The following ZFR variants were observed in gnomAD, a reference collection of about 807,000 sequenced individuals.
The protein encoded by ZFR is zinc finger RNA binding protein, also known as zinc finger RNA-binding protein.
In ZFR, 19 loss-of-function variants were observed where a neutral mutation model predicts 130.7. The ratio of observed to expected loss-of-function variants is 0.15; its 90% CI spans 0.10 to 0.21. ZFR has a LOEUF of 0.21. Ranked by LOEUF, ZFR falls within the 10% of genes least tolerant of loss-of-function variation. The pLI is 1.00. For synonymous variants in ZFR, 466 were observed against 456.9 expected (o/e 1.02, Z -0.25); for missense variants, 872 against 1,321.5 (o/e 0.66, Z 5.27).
chr5:32,403,935 C>CTA lies in ZFR; in HGVS notation c.1194_1195insTA (p.Ala399Ter). 6.3e-7 allele frequency: 1 copy of CTA among 1,596,456 alleles called. No individual in the cohort carries two copies. The highest frequency in any genetic ancestry group is 8.5e-7 in the Non-Finnish European group (1 of 1,171,142). ...TGATGCTTAGCACCACGAATGTGGGCAGCATACGCATCTGCTCCTGTACAA... is the reference window on the plus strand; with the variant it reads ...TGATGCTTAGCACCACGAATGTGGGCTAAGCATACGCATCTGCTCCTGTACAA... On this transcript the variant is annotated frameshift_variant, in exon 7 of 20. Coordinates refer to ENST00000265069, the MANE Select transcript of ZFR (RefSeq NM_016107.5). LOFTEE classifies it high-confidence loss of function.
Position 32,385,557 on chromosome 5 carries a change from A to G in ZFR, c.2592T>C (p.Thr864=), listed in dbSNP as rs752387240. ...GAATAATTGGAGATGTCAGTGTGAT[A>G]GTGACTTGCATTTTGGGTTCCACAC... ...NSCVEPKMQV[T]ITLTSPIIRE... is the part of the protein sequence containing the mutation. The change falls in exon 15 of 20, where the codon ACT becomes ACC. Residue 864 remains threonine (T), a synonymous_variant. Coordinates refer to ENST00000265069, the MANE Select transcript of ZFR (RefSeq NM_016107.5). 3 of 1,613,384 alleles carry G rather than the reference A, an allele frequency of 1.9e-6. No homozygotes were observed. The highest frequency in any genetic ancestry group is 1.1e-5 in the South Asian group (1 of 91,056).
chr5:32,362,377 G>A (rs956331961), intron 19 of ZFR, among the ~76,000 whole-genome samples: 13 of 152,184 alleles, frequency 8.5e-5, no homozygotes, highest in African/African-American at 3.1e-4. Flanking sequence ...GGTAGACACT[G>A]TGGAAGGAAA....
chr5:32,433,820 C>A (rs557408037), intron 2 of ZFR, among the ~76,000 whole-genome samples: 1 of 152,342 alleles, frequency 6.6e-6, no homozygotes, highest in East Asian at 1.9e-4. Flanking sequence ...GTGGCTCAGG[C>A]CTGTAATCCC....
intron 17 of ZFR, among the ~76,000 whole-genome samples, chr5:32,366,946 C>T (rs1283845965): frequency 4.1e-5 from 6 of 147,956 alleles, no homozygotes; most frequent in African/African-American, 1.2e-4. Flanking sequence ...AGTAGTTATT[C>T]GCAGGCACGA....
chr5:32,407,668 C>A (rs1336198283), intron 5 of ZFR, among the ~76,000 whole-genome samples: 1 of 151,992 alleles, frequency 6.6e-6, no homozygotes. Flanking sequence ...TATAGAACAA[C>A]TGTTAAAGAT....
At chr5:32,436,093 C>T (rs324430) in intron 2 of ZFR, among the ~76,000 whole-genome samples, 7 of 149,912 alleles carry the variant, frequency 4.7e-5, no homozygotes, top group Admixed American at 2.0e-4. Flanking sequence ...CACAGTATTT[C>T]TTTCTTTCCC....
chr5:32,381,676 CAT>C (rs1252458383), intron 15 of ZFR, among the ~76,000 whole-genome samples: 3 of 151,986 alleles, frequency 2.0e-5, no homozygotes, highest in Admixed American at 1.3e-4. Flanking sequence ...ATATAAAAAA[CAT>C]ATTTTGAAAC....
Position 32,403,193 on chromosome 5 carries a change from G to C in ZFR, c.1429C>G (p.Leu477Val). ...KGLTTTGNSS[L>V]NSTSNTKVSA... Reference sequence around the variant, plus strand: ...ACTTTAGTGTTAGATGTGCTATTAAGAGACGAGTTTCCTGTAGTCGTAAGA... The same window carrying C: ...ACTTTAGTGTTAGATGTGCTATTAACAGACGAGTTTCCTGTAGTCGTAAGA... The change falls in exon 8 of 20, where the codon CTT (leucine) becomes GTT (valine). Residue 477 changes from leucine (L) to valine (V), a missense_variant. Around this residue, in one of 7 missense-constraint regions of ZFR, gnomAD observed 143 missense variants for 137.9 expected, o/e 1.04. Transcript: ENST00000265069. 6.2e-7 allele frequency: 1 copy of C among 1,614,182 alleles called. No individual in the cohort carries two copies. The highest frequency in any genetic ancestry group is 8.5e-7 in the Non-Finnish European group (1 of 1,180,014).
At chr5:32,357,809 AGATG>A (rs1752345758) in intron 19 of ZFR, among the ~76,000 whole-genome samples, 1 of 152,312 alleles carries the variant, frequency 6.6e-6, no homozygotes, top group African/African-American at 2.4e-5. Context: ...TTTTTTCCTT[AGATG>A]ATTAGCCAGT....
At chr5:32,383,810 A>G (rs951971677) in intron 15 of ZFR, 1 of 456,678 alleles carries the variant, frequency 2.2e-6, no homozygotes, top group Non-Finnish European at 4.4e-6. Context: ...AGCTAAAGAC[A>G]TGGTTTACTG....
In ZFR at chr5:32,355,725, CTG is replaced by C; in HGVS notation, c.*33_*34del. ...TGAAAAACAGCCAACAAATGGGCAT[CTG>C]TTTTTTTAACACTGAAGATTTACAG... is the stretch of plus-strand genomic sequence containing the variant. On this transcript the variant is annotated 3_prime_UTR_variant, in exon 20 of 20. Transcript: ENST00000265069. The C allele has an allele frequency of 6.6e-7, 1 of 1,510,556 alleles. No homozygotes were observed. Among genetic ancestry groups the C allele is most frequent in the African/African-American group, 1.4e-5 (1 of 70,582 alleles). The allele number at this position is 1,510,556 out of a possible 1,614,324, so 93.6% of individuals were successfully genotyped here. A position where few individuals can be genotyped will look rare whatever the true frequency, so the allele number is the denominator to read the frequency against.
intron 16 of ZFR, 197 bp downstream of exon 16, chr5:32,379,878 G>T: frequency 2.2e-6 from 1 of 450,346 alleles, no homozygotes; most frequent in Non-Finnish European, 3.9e-6. Context: ...CCAAACCTAA[G>T]TTCATTGTCA....
chr5:32,393,476 C>T (rs906618184), intron 11 of ZFR, among the ~76,000 whole-genome samples: 2 of 151,806 alleles, frequency 1.3e-5, no homozygotes, highest in Non-Finnish European at 2.9e-5. Flanking sequence ...CCTGAGTAGC[C>T]GGAATTACAG....
intron 17 of ZFR, among the ~76,000 whole-genome samples, chr5:32,370,089 A>ATTTT (rs933446377): frequency 4.9e-5 from 6 of 121,944 alleles, no homozygotes; most frequent in Non-Finnish European, 1.0e-4. Flanking sequence ...ACAGTGGCAG[A>ATTTT]TTTTTTTTTT....
intron 19 of ZFR, among the ~76,000 whole-genome samples, chr5:32,359,965 A>C (rs1356414690): frequency 6.6e-6 from 1 of 152,090 alleles, no homozygotes; most frequent in Non-Finnish European, 1.5e-5. Flanking sequence ...AAAAAAAAGA[A>C]AGAAAAATTC....
intron 4 of ZFR, 52 bp from the exon 5 acceptor site, chr5:32,415,239 A>C (rs750413663): frequency 2.8e-6 from 4 of 1,446,240 alleles, no homozygotes; most frequent in Admixed American, 2.0e-5. Flanking sequence ...CACTATAGTT[A>C]CTGTACCAGT....
Position 32,403,239 on chromosome 5 carries a change from A to C in ZFR, c.1383T>G (p.Val461=). The part of the protein sequence containing the change: ...ANNCTVNTSS[V]ATSSMKGLTT... ...TAAGACCCTTCATTGAAGACGTTGC[A>C]ACTGATGACGTATTCACAGTACAAT... The change falls in exon 8 of 20, where the codon GTT becomes GTG. Residue 461 remains valine (V), a synonymous_variant. Transcript: ENST00000265069. 6.2e-7 allele frequency: 1 copy of C among 1,614,196 alleles called. No individual in the cohort carries two copies. Among genetic ancestry groups the C allele is most frequent in the Non-Finnish European group, 8.5e-7 (1 of 1,180,030 alleles).
chr5:32,420,598 C>G (rs1440444935), intron 2 of ZFR, among the ~76,000 whole-genome samples: 3 of 152,180 alleles, frequency 2.0e-5, no homozygotes, highest in Non-Finnish European at 4.4e-5. Context: ...AAAAATACTT[C>G]TGTTGCTTTA....
chr5:32,386,078 T>C (rs995387198), intron 14 of ZFR, among the ~76,000 whole-genome samples: 4 of 152,108 alleles, frequency 2.6e-5, no homozygotes, highest in African/African-American at 9.7e-5. Context: ...TCTCAGTCAA[T>C]ATCCAGAAAA....
Sources: gnomAD v4.1 joint callset for allele counts (sites outside exome capture counted in the v4.1 genomes callset) on GRCh38, gnomAD v4.1.1 for gene constraint, gnomAD v4.1.1 regional missense constraint, MANE v1.5 for transcripts, NCBI Gene and HGNC (gene_info 2026-07-23, HGNC 2026-07-21) for gene names.